Variants in ARHGEF37 observed in about 807,000 individuals in gnomAD.
The protein encoded by ARHGEF37 is Rho guanine nucleotide exchange factor (GEF) 37.
ARHGEF37 carries 55 observed loss-of-function variants against 71.1 expected under a neutral mutation model. The observed-to-expected ratio is 0.77, with a 90% CI of 0.62 to 0.97. The LOEUF is 0.97. Among genes scored for constraint, ARHGEF37 ranks in the 50% least tolerant of loss-of-function variants. The pLI, the probability that ARHGEF37 is intolerant of heterozygous loss-of-function variation, is 0.00. For missense variants in ARHGEF37, 765 were observed against 836.8 expected, an observed-to-expected ratio of 0.91 and a Z score of 1.06; for synonymous variants, 327 against 350.6, an observed-to-expected ratio of 0.93 and a Z score of 0.75.
intron 1 of ARHGEF37, among the ~76,000 whole-genome samples, chr5:149,564,899 A>G (rs1762881262): frequency 6.6e-6 from 1 of 152,244 alleles, no homozygotes; most frequent in African/African-American, 2.4e-5. Context: ...TAATGAACCC[A>G]TGGCACATCG....
chr5:149,599,958 C>T (rs112953858), intron 2 of ARHGEF37, among the ~76,000 whole-genome samples: 103 of 152,240 alleles, frequency 6.8e-4, no homozygotes, highest in African/African-American at 2.4e-3. Context: ...TGTCACTTAA[C>T]ACCAGGGATA....
At chr5:149,581,111 T>C (rs1465082673), upstream of ARHGEF37, among the ~76,000 whole-genome samples, 1 of 152,148 alleles carries the variant, frequency 6.6e-6, no homozygotes, top group African/African-American at 2.4e-5. Context: ...CAGCCAACAC[T>C]AAGAATTAAA....
rs765713664 is a variant in ARHGEF37 at position 149,627,270 on chromosome 5, G to A, written c.1659G>A (p.Gly553=). ...GCGGCCGCTGGCTGGTGGACACCGG[G>A]GGTACGTGAGCCTTTGGGAGCCCTT... ...GNSGRWLVDT[G]GHRGYVPAGK... is the part of the protein sequence containing the mutation. Residue 553 remains glycine, a splice_region_variant and synonymous_variant, in exon 11 of 13, where the codon GGG becomes GGA. Coordinates refer to ENST00000333677, the MANE Select transcript of ARHGEF37 (RefSeq NM_001001669.3). The A allele has an allele frequency of 3.1e-6, 5 of 1,613,012 alleles. No homozygotes were observed. Among genetic ancestry groups the A allele is most frequent in the Non-Finnish European group, 3.4e-6 (4 of 1,179,656 alleles).
chr5:149,610,251 T>G (rs76318372), intron 4 of ARHGEF37, among the ~76,000 whole-genome samples: 3 of 152,046 alleles, frequency 2.0e-5, no homozygotes, highest in Non-Finnish European at 4.4e-5. Flanking sequence ...TGTGTTCCCA[T>G]AGTGATAAGA....
intron 9 of ARHGEF37, 125 bp downstream of exon 9, chr5:149,622,187 C>G (rs1388678374): frequency 4.2e-6 from 4 of 949,714 alleles, no homozygotes; most frequent in Non-Finnish European, 6.2e-6. Context: ...TCATCAGGCC[C>G]TTAGGAAGAG....
intron 4 of ARHGEF37, among the ~76,000 whole-genome samples, chr5:149,612,325 GC>G (rs1178217634): frequency 6.6e-6 from 1 of 152,050 alleles, no homozygotes. Flanking sequence ...CGGCCACCAC[GC>G]CCGGCTAATT....
At chr5:149,612,040 A>G (rs1404243391) in intron 4 of ARHGEF37, among the ~76,000 whole-genome samples, 3 of 152,244 alleles carry the variant, frequency 2.0e-5, no homozygotes, top group Non-Finnish European at 4.4e-5. Context: ...GCTTGCAGCT[A>G]CTTGTAATAA....
chr5:149,610,661 T>C (rs1764053960), intron 4 of ARHGEF37, among the ~76,000 whole-genome samples: 1 of 152,202 alleles, frequency 6.6e-6, no homozygotes, highest in African/African-American at 2.4e-5. Flanking sequence ...TCATCCTTCA[T>C]GGGTCTTACA....
intron 3 of ARHGEF37, among the ~76,000 whole-genome samples, chr5:149,603,135 G>A (rs1326029023): frequency 6.6e-6 from 1 of 152,030 alleles, no homozygotes; most frequent in African/African-American, 2.4e-5. Flanking sequence ...GTTTCACCAT[G>A]TTGGCCAGGC....
In ARHGEF37 at chr5:149,622,937, C is replaced by G. The variant is rs75740782; in HGVS notation, c.1335+875C>G. Reference sequence around the variant, plus strand: ...CACTGTTTCCTGTGTGTCACAGTCTCCAGCTCAGCTTTTCCCCATCCAATT... The same window carrying G: ...CACTGTTTCCTGTGTGTCACAGTCTGCAGCTCAGCTTTTCCCCATCCAATT... On this transcript the variant is annotated intron_variant, in intron 9 of 12. Coordinates refer to ENST00000333677, the MANE Select transcript of ARHGEF37 (RefSeq NM_001001669.3). Among the ~76,000 whole-genome samples, 646 of 152,278 alleles carry G rather than the reference C, an allele frequency of 4.2e-3. 23 individuals are homozygous for G. The East Asian group carries it at 0.087, about 20-fold the overall frequency.
intron 1 of ARHGEF37, among the ~76,000 whole-genome samples, chr5:149,552,493 C>T (rs1482307124): frequency 6.6e-6 from 1 of 152,130 alleles, no homozygotes; most frequent in Non-Finnish European, 1.5e-5. Flanking sequence ...TTAAGTCAGA[C>T]CTCAGTCGTA....
chr5:149,598,348 TTCTTCTTCCTCTTCC>T (rs758947544), intron 2 of ARHGEF37, among the ~76,000 whole-genome samples: 5,672 of 119,518 alleles, frequency 0.047, 705 homozygotes, highest in African/African-American at 0.099. Context: ...CCTCTTCCTC[TTCTTCTTCCTCTTCC>T]TCTTCTTCCT....
At chr5:149,595,764 T>C (rs1204937085) in intron 1 of ARHGEF37, among the ~76,000 whole-genome samples, 48 of 152,212 alleles carry the variant, frequency 3.2e-4, no homozygotes, top group Admixed American at 3.1e-3. Context: ...TCAGGATTTC[T>C]TTTTGTATAA....
At chr5:149,611,643 T>G (rs1388378570) in intron 4 of ARHGEF37, among the ~76,000 whole-genome samples, 1 of 152,228 alleles carries the variant, frequency 6.6e-6, no homozygotes, top group Non-Finnish European at 1.5e-5. Flanking sequence ...TTTCCTTATG[T>G]GTAAGGTGGG....
At chr5:149,580,309 C>T (rs376005765), upstream of ARHGEF37, among the ~76,000 whole-genome samples, 16 of 152,224 alleles carry the variant, frequency 1.1e-4, 1 homozygote, top group African/African-American at 3.4e-4. Context: ...TCTGCCCCCC[C>T]CTCAGCTTCC....
At chr5:149,629,380 T>G (rs2113396960) in intron 12 of ARHGEF37, among the ~76,000 whole-genome samples, 1 of 152,280 alleles carries the variant, frequency 6.6e-6, no homozygotes, top group South Asian at 2.1e-4. Flanking sequence ...CATGACTAAC[T>G]GAAGTTAAAG....
In ARHGEF37 at chr5:149,628,907, C is replaced by T. The variant is rs774994544; in HGVS notation, c.1759C>T (p.Arg587Ter). ...RRQAGLNKDP[R>*]CLTPEPSPAL... ...GCAGGCGGGGCTGAACAAAGACCCCCGATGTCTAACACCGGAGCCCAGCCC... is the reference window on the plus strand; with the variant it reads ...GCAGGCGGGGCTGAACAAAGACCCCTGATGTCTAACACCGGAGCCCAGCCC... The change falls in exon 12 of 13, where the codon CGA becomes TGA. Residue 587 changes from arginine to a stop codon, truncating the protein, a stop_gained. Transcript: ENST00000333677. LOFTEE classifies it high-confidence loss of function. The T allele has an allele frequency of 4.2e-5, 68 of 1,613,268 alleles. No individual in the cohort carries two copies. Among genetic ancestry groups the T allele is most frequent in the South Asian group, 3.5e-4 (32 of 91,036 alleles).
chr5:149,565,611 C>A (rs1762887907), intron 1 of ARHGEF37, among the ~76,000 whole-genome samples: 1 of 152,190 alleles, frequency 6.6e-6, no homozygotes, highest in African/African-American at 2.4e-5. Flanking sequence ...AGGCTGTAAG[C>A]ACTGGGCTTA....
At chr5:149,565,376 AT>A (rs1216245231) in intron 1 of ARHGEF37, among the ~76,000 whole-genome samples, 1 of 152,168 alleles carries the variant, frequency 6.6e-6, no homozygotes, top group Non-Finnish European at 1.5e-5. Flanking sequence ...GGTAATAAGT[AT>A]TTAGTAAATA....
Sources: gnomAD v4.1 joint callset for allele counts (sites outside exome capture counted in the v4.1 genomes callset) on GRCh38, gnomAD v4.1.1 for gene constraint, MANE v1.5 for transcripts, NCBI Gene and HGNC (gene_info 2026-07-23, HGNC 2026-07-21) for gene names.